Variants in MYCBP2 observed in about 807,000 individuals in gnomAD.
The protein encoded by MYCBP2 is MYC binding protein 2.
Under a neutral mutation model 525.3 loss-of-function variants are expected in MYCBP2, and 120 were observed. The observed-to-expected ratio is 0.23, with a 90% CI of 0.20 to 0.27. MYCBP2 has a LOEUF of 0.27. Ranked by LOEUF, MYCBP2 falls within the 10% of genes least tolerant of loss-of-function variation. The pLI, the probability that MYCBP2 is intolerant of heterozygous loss-of-function variation, is 1.00. For synonymous variants in MYCBP2, 1,894 were observed against 1,955.8 expected (o/e 0.97, Z 0.83); for missense variants, 4,149 against 5,657.1 (o/e 0.73, Z 8.55).
chr13:77,211,381 A>G (rs1309760681), intron 22 of MYCBP2, 61 bp from the exon 23 acceptor site: 5 of 881,746 alleles, frequency 5.7e-6, no homozygotes, highest in Non-Finnish European at 5.9e-6. Flanking sequence ...ATTCTCCAAA[A>G]CCCATAAAGT....
chr13:77,098,245 C>T lies in MYCBP2; in HGVS notation c.8909G>A (p.Ser2970Asn). The part of the protein sequence containing the change: ...VDEGSNKVHF[S>N]IGKAPLKDEQ... ...ATCTTTCAGTGGTGCTTTTCCAATG[C>T]TAAAATGAACTTTATTTGAACCTTC... Residue 2970 changes from serine to asparagine, a missense_variant, in exon 56 of 83, where the codon AGC becomes AAC. Ser to Asn is a conservative substitution (Grantham distance 46). Coordinates refer to ENST00000544440, the MANE Select transcript of MYCBP2 (RefSeq NM_015057.5). The T allele has an allele frequency of 1.2e-6, 2 of 1,613,224 alleles. No homozygotes were observed. The highest frequency in any genetic ancestry group is 1.7e-6 in the Non-Finnish European group (2 of 1,179,784).
intron 61 of MYCBP2, among the ~76,000 whole-genome samples, chr13:77,088,355 T>C (rs1342676815): frequency 6.6e-6 from 1 of 152,094 alleles, no homozygotes; most frequent in African/African-American, 2.4e-5. Flanking sequence ...TTCCCATCCA[T>C]GAAGTGGTAG....
At chr13:77,304,805 G>A (rs1465270787) in intron 1 of MYCBP2, among the ~76,000 whole-genome samples, 1 of 151,578 alleles carries the variant, frequency 6.6e-6, no homozygotes, top group Non-Finnish European at 1.5e-5. Context: ...TAAACCTAGA[G>A]CAAAAATGGT....
intron 18 of MYCBP2, among the ~76,000 whole-genome samples, chr13:77,226,477 G>A (rs2066283682): frequency 6.6e-6 from 1 of 151,962 alleles, no homozygotes; most frequent in Non-Finnish European, 1.5e-5. Flanking sequence ...CAAATTCCTT[G>A]TACACAGAAT....
Position 77,106,728 on chromosome 13 carries a change from T to A in MYCBP2, c.8141-7715A>T, listed in dbSNP as rs113626968. Reference sequence around the variant, plus strand: ...TTTTTCTTCTCTTTAAGTTCCTTTTTTTTCTTTCCAATTTTTTTCTTTCCA... The same window carrying A: ...TTTTTCTTCTCTTTAAGTTCCTTTTATTTCTTTCCAATTTTTTTCTTTCCA... On this transcript the variant is annotated intron_variant, in intron 55 of 82. Coordinates refer to ENST00000544440, the MANE Select transcript of MYCBP2 (RefSeq NM_015057.5). Among the ~76,000 whole-genome samples, 310 of 152,070 alleles carry A rather than the reference T, an allele frequency of 2.0e-3. 2 individuals carry two copies. Among genetic ancestry groups the A allele is most frequent in the African/African-American group, 5.4e-3 (226 of 41,538 alleles).
At chr13:77,187,608 T>C (rs2060847348) in intron 30 of MYCBP2, among the ~76,000 whole-genome samples, 1 of 152,214 alleles carries the variant, frequency 6.6e-6, no homozygotes, top group Non-Finnish European at 1.5e-5. Flanking sequence ...CAGAGCCAAA[T>C]GTACTGCCAG....
chr13:77,300,481 A>G (rs1291580967), intron 1 of MYCBP2, among the ~76,000 whole-genome samples: 1 of 152,190 alleles, frequency 6.6e-6, no homozygotes, highest in East Asian at 1.9e-4. Flanking sequence ...CAACCTTTTA[A>G]AAATGTAAAA....
chr13:77,098,490 G>T lies in MYCBP2; in HGVS notation c.8664C>A (p.Leu2888=). Residue 2888 remains leucine, a synonymous_variant, in exon 56 of 83, where the codon CTC becomes CTA. Transcript: ENST00000544440. Reference sequence around the variant, plus strand: ...TTGACCGTCCTCTCAAAGGTTCTGTGAGGGGCATTTTCTTCTTGCGGAGGG... The same window carrying T: ...TTGACCGTCCTCTCAAAGGTTCTGTTAGGGGCATTTTCTTCTTGCGGAGGG... ...PDTLRKKKMP[L]TEPLRGRSTS... is the part of the protein sequence containing the mutation. 6.2e-7 allele frequency: 1 copy of T among 1,613,708 alleles called. No individual in the cohort carries two copies. Among genetic ancestry groups the T allele is most frequent in the Non-Finnish European group, 8.5e-7 (1 of 1,179,792 alleles).
intron 82 of MYCBP2, among the ~76,000 whole-genome samples, chr13:77,050,323 T>C (rs1366699595): frequency 1.3e-5 from 2 of 152,206 alleles, no homozygotes; most frequent in Non-Finnish European, 2.9e-5. Context: ...TACTTGTGCA[T>C]GTATTTTCAC....
intron 81 of MYCBP2, 42 bp from the exon 82 acceptor site, chr13:77,051,204 A>T: frequency 6.4e-7 from 1 of 1,552,808 alleles, no homozygotes; most frequent in Non-Finnish European, 8.7e-7. Flanking sequence ...TCATAGTGAG[A>T]CTATTTCAAT....
chr13:77,071,291 A>G (rs1214692563), intron 68 of MYCBP2, among the ~76,000 whole-genome samples: 5 of 151,910 alleles, frequency 3.3e-5, no homozygotes, highest in African/African-American at 1.2e-4. Context: ...ACACACACAC[A>G]CACACACACA....
At chr13:77,130,831 AG>A (rs2052654328) in intron 52 of MYCBP2, among the ~76,000 whole-genome samples, 1 of 152,306 alleles carries the variant, frequency 6.6e-6, no homozygotes, top group African/African-American at 2.4e-5. Flanking sequence ...CTAGTATTAA[AG>A]TAACATGAAA....
intron 18 of MYCBP2, among the ~76,000 whole-genome samples, chr13:77,230,842 T>C (rs191353980): frequency 5.2e-4 from 79 of 152,334 alleles, no homozygotes; most frequent in Non-Finnish European, 9.3e-4. Flanking sequence ...CTGCAACCTG[T>C]CACAGGAGGT....
Position 77,098,204 on chromosome 13 carries a change from C to G in MYCBP2, c.8950G>C (p.Ala2984Pro), listed in dbSNP as rs764323602. The G allele has an allele frequency of 5.6e-6, 9 of 1,613,482 alleles. No homozygotes were observed. The highest frequency in any genetic ancestry group is 6.8e-6 in the Non-Finnish European group (8 of 1,179,778). Residue 2984 changes from alanine (A) to proline (P), a missense_variant, in exon 56 of 83, where the codon GCA (alanine) becomes CCA (proline). This residue lies in a region of MYCBP2 where 653 missense variants were observed against 744.7 expected (regional missense o/e 0.88). Transcript: ENST00000544440. Reference sequence around the variant, plus strand: ...CATTTTCGACTTATTTTGGGAGATGCTCTCATTTCCTGTTCATCTTTCAGT... The same window carrying G: ...CATTTTCGACTTATTTTGGGAGATGGTCTCATTTCCTGTTCATCTTTCAGT... ...APLKDEQEMR[A>P]SPKISRKCAN...
rs75259844 is a variant in MYCBP2, at chr13:77,300,253, T to G, written c.303-3579A>C. ...AAATAAAAAATTCCTGAGCCTGTGA[T>G]GTAAAGCAGGAATAGGGAAATTTTT... On this transcript the variant is annotated intron_variant, in intron 1 of 82. Transcript: ENST00000544440. Among the ~76,000 whole-genome samples the G allele has an allele frequency of 1.4e-3, 217 of 152,288 alleles. 5 individuals carry two copies. In the East Asian group the frequency reaches 0.037, roughly 26 times the overall value.
intron 23 of MYCBP2, among the ~76,000 whole-genome samples, chr13:77,210,089 A>G (rs1027224760): frequency 6.6e-6 from 1 of 152,200 alleles, no homozygotes; most frequent in African/African-American, 2.4e-5. Context: ...CCCTGTGATG[A>G]GCCACTGTGG....
chr13:77,193,053 C>A (rs776778930), intron 27 of MYCBP2, among the ~76,000 whole-genome samples: 2 of 151,986 alleles, frequency 1.3e-5, no homozygotes, highest in South Asian at 2.1e-4. Flanking sequence ...CGCTTAAATC[C>A]GGGAGGCAGA....
intron 22 of MYCBP2, among the ~76,000 whole-genome samples, chr13:77,211,583 C>G (rs1204331847): frequency 6.6e-6 from 1 of 152,098 alleles, no homozygotes; most frequent in Non-Finnish European, 1.5e-5. Context: ...AGATTGATAA[C>G]TTGGTCTTCG....
intron 36 of MYCBP2, among the ~76,000 whole-genome samples, chr13:77,175,132 A>G (rs2059573256): frequency 6.7e-6 from 1 of 149,652 alleles, no homozygotes; most frequent in Admixed American, 6.7e-5. Flanking sequence ...AGGTCTGACT[A>G]TATTGCCCAG....
Sources: allele counts gnomAD v4.1 joint callset (sites outside exome capture counted in the v4.1 genomes callset), GRCh38; gene constraint gnomAD v4.1.1; regional missense constraint gnomAD v4.1.1; transcripts MANE v1.5; gene names NCBI Gene and HGNC (gene_info 2026-07-23, HGNC 2026-07-21).